Variants in BRCA2 observed in about 807,000 individuals in gnomAD.
BRCA2 encodes the protein breast cancer type 2 susceptibility protein.
A neutral mutation model predicts 276.7 loss-of-function variants in BRCA2; 203 were observed. That is an observed-to-expected ratio of 0.73 (90% CI 0.65 to 0.82). The LOEUF is 0.82. Among genes scored for constraint, BRCA2 ranks in the 40% least tolerant of loss-of-function variants. BRCA2 has a pLI of 0.00. For missense variants in BRCA2, 3,920 were observed against 3,915.0 expected, an observed-to-expected ratio of 1.00 and a Z score of -0.03; for synonymous variants, 1,289 against 1,338.4, an observed-to-expected ratio of 0.96 and a Z score of 0.81.
Position 32,319,111 on chromosome 13 carries a change from A to G in BRCA2, c.102A>G (p.Glu34=), listed in dbSNP as rs762819719. The change falls in exon 3 of 27, where the codon GAA becomes GAG. Residue 34 remains glutamate, a synonymous_variant. Coordinates refer to ENST00000380152, the MANE Select transcript of BRCA2 (RefSeq NM_000059.4). ...LGPISLNWFE[E]LSSEAPPYNS... is the part of the protein sequence containing the mutation. ...CAATAAGTCTTAATTGGTTTGAAGAACTTTCTTCAGAAGCTCCACCCTATA... is the reference window on the plus strand; with the variant it reads ...CAATAAGTCTTAATTGGTTTGAAGAGCTTTCTTCAGAAGCTCCACCCTATA... 4.3e-6 allele frequency: 7 copies of G among 1,613,328 alleles called. No individual in the cohort carries two copies. The highest frequency in any genetic ancestry group is 5.1e-6 in the Non-Finnish European group (6 of 1,179,312).
At chr13:32,352,374 C>T (rs1377578349) in intron 13 of BRCA2, among the ~76,000 whole-genome samples, 1 of 151,950 alleles carries the variant, frequency 6.6e-6, no homozygotes, top group East Asian at 1.9e-4. Flanking sequence ...CTCAAACTAC[C>T]TAATATATAC....
chr13:32,336,784 C>T lies in BRCA2; in HGVS notation c.2429C>T (p.Thr810Ile), dbSNP rs80358509. The T allele has an allele frequency of 9.9e-6, 16 of 1,608,412 alleles. No individual in the cohort carries two copies. Among genetic ancestry groups the T allele is most frequent in the Non-Finnish European group, 1.4e-5 (16 of 1,178,018 alleles). ...AATTATGAATCTGATGTTGAATTAA[C>T]CAAAAATATTCCCATGGAAAAGAAT... ...GNNYESDVEL[T>I]KNIPMEKNQD... The change falls in exon 11 of 27, where the codon ACC (threonine) becomes ATC (isoleucine). Residue 810 changes from threonine to isoleucine, a missense_variant. Transcript: ENST00000380152.
chr13:32,376,942 C>A, intron 21 of BRCA2, 151 bp downstream of exon 21: 3 of 1,151,176 alleles, frequency 2.6e-6, no homozygotes, highest in Non-Finnish European at 3.8e-6. Flanking sequence ...CAGTGATGTG[C>A]CAGACGAGTG....
chr13:32,359,835 T>G (rs1161231694), intron 16 of BRCA2, among the ~76,000 whole-genome samples: 1 of 152,210 alleles, frequency 6.6e-6, no homozygotes, highest in African/African-American at 2.4e-5. Flanking sequence ...TTCTGATAAT[T>G]CAGCAAATCT....
intron 2 of BRCA2, among the ~76,000 whole-genome samples, chr13:32,317,742 T>C (rs1453641253): frequency 6.6e-6 from 1 of 152,126 alleles, no homozygotes; most frequent in Non-Finnish European, 1.5e-5. Context: ...CATTTGAAAG[T>C]TCACATTTTG....
intron 1 of BRCA2, 51 bp from the exon 2 acceptor site, chr13:32,316,371 T>C: frequency 2.6e-6 from 3 of 1,152,626 alleles, no homozygotes; most frequent in Non-Finnish European, 3.9e-6. Context: ...CTCAGTCACA[T>C]AATAAGGAAT....
At chr13:32,368,690 G>A (rs567365286) in intron 18 of BRCA2, among the ~76,000 whole-genome samples, 1 of 152,126 alleles carries the variant, frequency 6.6e-6, no homozygotes, top group African/African-American at 2.4e-5. Context: ...TCAAATATCA[G>A]TGACTGTTCT....
intron 3 of BRCA2, 98 bp from the exon 4 acceptor site, chr13:32,324,978 C>T (rs548654788): frequency 1.2e-6 from 1 of 812,804 alleles, no homozygotes; most frequent in East Asian, 2.7e-5. Flanking sequence ...TTCTCATTCC[C>T]AGTATAGAGG....
At chr13:32,358,525 C>T (rs1011273525) in intron 16 of BRCA2, among the ~76,000 whole-genome samples, 8 of 151,146 alleles carry the variant, frequency 5.3e-5, no homozygotes, top group African/African-American at 1.9e-4. Flanking sequence ...GACATGGTGG[C>T]TCATGCCTGT....
rs1350164927 is a variant in BRCA2 at position 32,363,214 on chromosome 13, C to G, written c.8012C>G (p.Ala2671Gly). The G allele has an allele frequency of 6.2e-7, 1 of 1,613,832 alleles. No homozygotes were observed. Among genetic ancestry groups the G allele is most frequent in the East Asian group, 2.2e-5 (1 of 44,866 alleles). Reference protein sequence around the residue: ...DTEIDRSRRSAIKKIMERDDT... With the variant: ...DTEIDRSRRSGIKKIMERDDT... ...GAAATTGATAGAAGCAGAAGATCGGCTATAAAAAAGATAATGGAAAGGGAT... is the reference window on the plus strand; with the variant it reads ...GAAATTGATAGAAGCAGAAGATCGGGTATAAAAAAGATAATGGAAAGGGAT... The change falls in exon 18 of 27, where the codon GCT becomes GGT. Residue 2671 changes from alanine (A) to glycine (G), a missense_variant. Physicochemically the swap from Ala to Gly is moderately conservative, Grantham distance 60 (BLOSUM62 0). This residue lies in a region of BRCA2 where 3,263 missense variants were observed against 3,156.9 expected (regional missense o/e 1.03). Transcript: ENST00000380152.
At chr13:32,359,411 G>C (rs2072724130) in intron 16 of BRCA2, among the ~76,000 whole-genome samples, 1 of 151,908 alleles carries the variant, frequency 6.6e-6, no homozygotes, top group African/African-American at 2.4e-5. Context: ...AAATCTCAGA[G>C]CTCTAAAACA....
chr13:32,357,929 G>A lies in BRCA2; in HGVS notation c.7805G>A (p.Arg2602Lys), dbSNP rs397507938. 2 of 1,612,608 alleles carry A rather than the reference G, an allele frequency of 1.2e-6. No individual in the cohort carries two copies. Among genetic ancestry groups the A allele is most frequent in the Admixed American group, 1.7e-5 (1 of 60,002 alleles). Reference protein sequence around the residue: ...DGKAGKEEFYRALCDTPGVDP... With the variant: ...DGKAGKEEFYKALCDTPGVDP... Reference sequence around the variant, plus strand: ...AAGGCTGGAAAAGAAGAATTTTATAGGTACTCTATGCAAAAAGATTGTGTG... The same window carrying A: ...AAGGCTGGAAAAGAAGAATTTTATAAGTACTCTATGCAAAAAGATTGTGTG... The change falls in exon 16 of 27, where the codon AGG becomes AAG. Residue 2602 changes from arginine to lysine, a missense_variant and splice_region_variant. Physicochemically the swap from Arg to Lys is conservative, Grantham distance 26. Transcript: ENST00000380152.
rs730881515 is a variant in BRCA2 at position 32,337,069 on chromosome 13, A to G, written c.2714A>G (p.Asn905Ser). Residue 905 changes from asparagine (N) to serine (S), a missense_variant, in exon 11 of 27, where the codon AAT (asparagine) becomes AGT (serine). Transcript: ENST00000380152. ...ANERNNLALG[N>S]TKELHETDLT... ...GAAAGGAATAATCTTGCTTTAGGAA[A>G]TACTAAGGAACTTCATGAAACAGAC... The G allele has an allele frequency of 1.9e-6, 3 of 1,607,830 alleles. No individual in the cohort carries two copies. Among genetic ancestry groups the G allele is most frequent in the Non-Finnish European group, 2.5e-6 (3 of 1,178,442 alleles).
At position 32,363,316 on chromosome 13, in the gene BRCA2, G is replaced by A. The variant is rs778806241; in HGVS notation, c.8114G>A (p.Ser2705Asn). Reference protein sequence around the residue: ...SLSANISETSSNKTSSADTQK... With the variant: ...SLSANISETSNNKTSSADTQK... ...AGCGCAAATATATCTGAAACTTCTA[G>A]CAATAAAACTAGTAGTGCAGATACC... The change falls in exon 18 of 27, where the codon AGC becomes AAC. Residue 2705 changes from serine (S) to asparagine (N), a missense_variant. Physicochemically the swap from Ser to Asn is conservative, Grantham distance 46. Transcript: ENST00000380152. 1 of 1,614,132 alleles carries A rather than the reference G, an allele frequency of 6.2e-7. No individual in the cohort carries two copies. The highest frequency in any genetic ancestry group is 2.2e-5 in the East Asian group (1 of 44,882).
rs753029909 is a variant in BRCA2 at position 32,354,836 on chromosome 13, CTT to C, written c.7008-24_7008-23del. On this transcript the variant is annotated intron_variant, in intron 13 of 26. Coordinates refer to ENST00000380152, the MANE Select transcript of BRCA2 (RefSeq NM_000059.4). ...ATTTATATGTGTACTAGTCAATAAA[CTT>C]ATATATTTTCTCCCCATTGCAGCAC... is the stretch of plus-strand genomic sequence containing the variant. 13 of 1,451,662 alleles carry C rather than the reference CTT, an allele frequency of 9.0e-6. No homozygotes were observed. The highest frequency in any genetic ancestry group is 3.3e-5 in the Admixed American group (2 of 59,750). 89.9% of individuals were successfully genotyped at this position (1,451,662 alleles called of 1,614,324 possible).
rs587781493 is a variant in BRCA2, at chr13:32,379,867, A to C, written c.9071A>C (p.Asn3024Thr). ...SKSKSKSERA[N>T]IQLAATKKTQ... ...TCTAAAAGTAAATCTGAAAGAGCTA[A>C]CATACAGTTAGCAGCGACAAAAAAA... The change falls in exon 23 of 27, where the codon AAC (asparagine) becomes ACC (threonine). Residue 3024 changes from asparagine to threonine, a missense_variant. This residue lies in a region of BRCA2 where 657 missense variants were observed against 758.2 expected (regional missense o/e 0.87). Coordinates refer to ENST00000380152, the MANE Select transcript of BRCA2 (RefSeq NM_000059.4). 6.2e-7 allele frequency: 1 copy of C among 1,613,920 alleles called. No homozygotes were observed. The highest frequency in any genetic ancestry group is 8.5e-7 in the Non-Finnish European group (1 of 1,179,864).
chr13:32,376,577 C>A, intron 20 of BRCA2, 93 bp from the exon 21 acceptor site: 2 of 1,344,896 alleles, frequency 1.5e-6, no homozygotes, highest in Admixed American at 1.9e-5. Flanking sequence ...ATCTTTAAAT[C>A]TCCCTTCTTT....
At chr13:32,324,200 TA>T (rs1425033877) in intron 3 of BRCA2, among the ~76,000 whole-genome samples, 2 of 151,986 alleles carry the variant, frequency 1.3e-5, no homozygotes, top group East Asian at 1.9e-4. Context: ...AGGGAACACA[TA>T]GGGGGGCAAA....
rs2137659082 is a variant in BRCA2 at position 32,396,948 on chromosome 13, G to C, written c.9552G>C (p.Leu3184=). 6.2e-7 allele frequency: 1 copy of C among 1,613,916 alleles called. No individual in the cohort carries two copies. The highest frequency in any genetic ancestry group is 8.5e-7 in the Non-Finnish European group (1 of 1,179,882). ...NEAENKLMHI[L]HANDPKWSTP... is the part of the protein sequence containing the mutation. Reference sequence around the variant, plus strand: ...CAGAAAACAAGCTTATGCATATACTGCATGCAAATGATCCCAAGTGGTCCA... The same window carrying C: ...CAGAAAACAAGCTTATGCATATACTCCATGCAAATGATCCCAAGTGGTCCA... Residue 3184 remains leucine, a synonymous_variant, in exon 26 of 27, where the codon CTG becomes CTC. Coordinates refer to ENST00000380152, the MANE Select transcript of BRCA2 (RefSeq NM_000059.4).
Sources: allele counts gnomAD v4.1 joint callset (sites outside exome capture counted in the v4.1 genomes callset), GRCh38; gene constraint gnomAD v4.1.1; regional missense constraint gnomAD v4.1.1; transcripts MANE v1.5; gene names NCBI Gene and HGNC (gene_info 2026-07-23, HGNC 2026-07-21).